Variants in LEKR1 observed in about 807,000 individuals in gnomAD.
LEKR1 encodes protein LEKR1.
Under a neutral mutation model 72.4 loss-of-function variants are expected in LEKR1, and 59 were observed. The ratio of observed to expected loss-of-function variants is 0.82; its 90% confidence interval spans 0.66 to 1.01. The LOEUF is 1.01. Ranked by LOEUF, LEKR1 falls within the 50% of genes least tolerant of loss-of-function variation. The pLI is 0.00. For synonymous variants in LEKR1, 257 were observed against 263.2 expected, an observed-to-expected ratio of 0.98 and a Z score of 0.23; for missense variants, 728 against 759.2, an observed-to-expected ratio of 0.96 and a Z score of 0.48.
intron 7 of LEKR1, among the ~76,000 whole-genome samples, chr3:156,986,546 G>A (rs1047210093): frequency 2.6e-5 from 4 of 152,156 alleles, no homozygotes; most frequent in African/African-American, 7.2e-5. Context: ...GAAGTGAAAC[G>A]AAAGAATAAA....
chr3:156,831,709 TGAG>T (rs2108527908), intron 2 of LEKR1, among the ~76,000 whole-genome samples: 1 of 152,238 alleles, frequency 6.6e-6, no homozygotes, highest in East Asian at 1.9e-4. Flanking sequence ...TTCACTATCA[TGAG>T]AAGAGCATGA....
chr3:157,016,352 A>G (rs1369529377), intron 10 of LEKR1, among the ~76,000 whole-genome samples: 1 of 152,150 alleles, frequency 6.6e-6, no homozygotes, highest in Non-Finnish European at 1.5e-5. Flanking sequence ...GACCTTATAT[A>G]GAGAGGAAAG....
At chr3:156,993,689 C>A (rs1731321864) in intron 9 of LEKR1, among the ~76,000 whole-genome samples, 1 of 152,140 alleles carries the variant, frequency 6.6e-6, no homozygotes, top group Non-Finnish European at 1.5e-5. Context: ...TTCTTCTCTC[C>A]TCCTTGTCTG....
chr3:157,011,564 C>A, intron 10 of LEKR1, 58 bp downstream of exon 10: 1 of 1,201,050 alleles, frequency 8.3e-7, no homozygotes, highest in Non-Finnish European at 1.2e-6. Context: ...AAAATTCTGA[C>A]CATTTGTCAG....
At chr3:156,840,394 G>A (rs1185933362) in intron 2 of LEKR1, among the ~76,000 whole-genome samples, 1 of 152,190 alleles carries the variant, frequency 6.6e-6, no homozygotes, top group Admixed American at 6.5e-5. Context: ...CCAGGACAAG[G>A]CATTTTCCCC....
At chr3:156,992,840 T>C in intron 8 of LEKR1, 110 bp downstream of exon 8, 1 of 326,350 alleles carries the variant, frequency 3.1e-6, no homozygotes, top group Non-Finnish European at 5.3e-6. Flanking sequence ...TCTTATTGTT[T>C]ACATATAAAA....
At chr3:156,955,101 T>A (rs764891963) in intron 6 of LEKR1, among the ~76,000 whole-genome samples, 14 of 152,134 alleles carry the variant, frequency 9.2e-5, no homozygotes, top group Middle Eastern at 3.4e-3. Flanking sequence ...CTTAGGGTTT[T>A]AAAAATTTTT....
intron 10 of LEKR1, among the ~76,000 whole-genome samples, chr3:157,022,190 G>T (rs911435492): frequency 6.6e-6 from 1 of 152,140 alleles, no homozygotes; most frequent in Non-Finnish European, 1.5e-5. Context: ...ATCTAAGGAT[G>T]GGGTGCTTTG....
intron 3 of LEKR1, among the ~76,000 whole-genome samples, chr3:156,904,409 A>G (rs1576789487): frequency 6.7e-6 from 1 of 148,324 alleles, no homozygotes; most frequent in Admixed American, 6.7e-5. Context: ...TCTATAATAC[A>G]GAATCATGTT....
At chr3:157,024,515 G>A (rs1734057101) in intron 10 of LEKR1, among the ~76,000 whole-genome samples, 1 of 152,140 alleles carries the variant, frequency 6.6e-6, no homozygotes, top group Non-Finnish European at 1.5e-5. Flanking sequence ...TCTGAAAACT[G>A]TCATATAGTT....
At chr3:156,958,540 C>A (rs924469114) in intron 6 of LEKR1, among the ~76,000 whole-genome samples, 7 of 152,068 alleles carry the variant, frequency 4.6e-5, no homozygotes, top group African/African-American at 1.7e-4. Context: ...CACCTATTTC[C>A]TACTTGTTAG....
chr3:157,024,086 G>C (rs1164841262), intron 10 of LEKR1, among the ~76,000 whole-genome samples: 2 of 152,150 alleles, frequency 1.3e-5, no homozygotes, highest in African/African-American at 4.8e-5. Flanking sequence ...AACATCCCAA[G>C]AGAGTATCAT....
intron 2 of LEKR1, among the ~76,000 whole-genome samples, chr3:156,851,620 T>C (rs1657522306): frequency 6.6e-6 from 1 of 152,184 alleles, no homozygotes; most frequent in South Asian, 2.1e-4. Flanking sequence ...TTATGGTTTT[T>C]AATTTAAAAT....
intron 3 of LEKR1, among the ~76,000 whole-genome samples, chr3:156,898,927 A>G (rs1346150898): frequency 1.3e-5 from 2 of 152,160 alleles, no homozygotes; most frequent in African/African-American, 4.8e-5. Flanking sequence ...AAATGAAAAA[A>G]CATCTATAAA....
At chr3:156,869,655 T>A (rs1342042019) in intron 3 of LEKR1, among the ~76,000 whole-genome samples, 1 of 152,046 alleles carries the variant, frequency 6.6e-6, no homozygotes, top group East Asian at 1.9e-4. Context: ...ATTCAGCAAA[T>A]TGTCTCTTCA....
Position 157,016,108 on chromosome 3 carries a change from C to A in LEKR1, c.1203+4602C>A, listed in dbSNP as rs181342292. 2.0e-5 allele frequency among the ~76,000 whole-genome samples: 3 copies of A among 151,848 alleles called. No homozygotes were observed. In the East Asian group the frequency reaches 5.8e-4, roughly 29 times the overall value. ...AGCCATGAGACAGATTCAAGAGGCC[C>A]AATATATGTGTAATTGAAATTCCTG... On this transcript the variant is annotated intron_variant, in intron 10 of 12. Transcript: ENST00000356539.
intron 3 of LEKR1, among the ~76,000 whole-genome samples, chr3:156,855,096 T>A (rs577979306): frequency 1.3e-5 from 2 of 152,324 alleles, no homozygotes; most frequent in African/African-American, 4.8e-5. Context: ...TATTTCCAAT[T>A]TTTGTTATTA....
At chr3:156,850,547 T>C (rs1317295019) in intron 2 of LEKR1, among the ~76,000 whole-genome samples, 2 of 152,220 alleles carry the variant, frequency 1.3e-5, no homozygotes, top group African/African-American at 2.4e-5. Flanking sequence ...TCATCTCAGC[T>C]TCTGTCTCTG....
chr3:156,976,891 C>A (rs1729740605), intron 6 of LEKR1, among the ~76,000 whole-genome samples: 1 of 152,218 alleles, frequency 6.6e-6, no homozygotes, highest in Non-Finnish European at 1.5e-5. Context: ...TATATGAAAT[C>A]AATAAAACCT....
Sources: allele counts gnomAD v4.1 joint callset (sites outside exome capture counted in the v4.1 genomes callset), GRCh38; gene constraint gnomAD v4.1.1; transcripts MANE v1.5; gene names NCBI Gene and HGNC (gene_info 2026-07-23, HGNC 2026-07-21).